SGCB: variants seen among roughly 807,000 people sequenced by gnomAD.
SGCB encodes sarcoglycan beta.
SGCB carries 25 observed loss-of-function variants against 27.3 expected under a neutral mutation model. That is an observed-to-expected ratio of 0.92 (90% confidence interval 0.67 to 1.28). The LOEUF is 1.28. SGCB is among the 50% of genes most tolerant of loss of function. The pLI, the probability that SGCB is intolerant of heterozygous loss-of-function variation, is 0.00. For synonymous variants in SGCB, 147 were observed against 133.5 expected (o/e 1.10, Z -0.70); for missense variants, 436 against 402.1 (o/e 1.08, Z -0.72).
intron 2 of SGCB, 57 bp from the exon 3 acceptor site, chr4:52,029,920 A>G: frequency 7.8e-7 from 1 of 1,281,118 alleles, no homozygotes; most frequent in Non-Finnish European, 1.1e-6. Context: ...TGTAATTGGA[A>G]AACAAATAGA....
At position 52,024,000 on chromosome 4, in the gene SGCB, A is replaced by G; in HGVS notation, c.914T>C (p.Met305Thr). The G allele has an allele frequency of 3.1e-6, 5 of 1,614,188 alleles. No individual in the cohort carries two copies. Among genetic ancestry groups the G allele is most frequent in the African/African-American group, 1.3e-5 (1 of 75,052 alleles). ...LFKVQVTSQN[M>T]GCQISDNPCG... ...GGGGTTGTCTGAGATTTGGCAGCCCATGTTCTGGCTGGTTACTTGCACCTT... is the reference window on the plus strand; with the variant it reads ...GGGGTTGTCTGAGATTTGGCAGCCCGTGTTCTGGCTGGTTACTTGCACCTT... Residue 305 changes from methionine (M) to threonine (T), a missense_variant, in exon 6 of 6, where the codon ATG (methionine) becomes ACG (threonine). Met to Thr is a moderately conservative substitution (Grantham distance 81, BLOSUM62 -1). Transcript: ENST00000381431.
rs1432539299 is a variant in SGCB at position 52,029,788 on chromosome 4, G to C, written c.319C>G (p.Leu107Val). 1.9e-6 allele frequency: 3 copies of C among 1,612,904 alleles called. No individual in the cohort carries two copies. In the East Asian group the frequency reaches 6.7e-5, roughly 36 times the overall value. The change falls in exon 3 of 6, where the codon CTG becomes GTG. Residue 107 changes from leucine (L) to valine (V), a missense_variant. By Grantham distance (32) the Leu-to-Val change is conservative. Transcript: ENST00000381431. The part of the protein sequence containing the change: ...CDSMEFHESG[L>V]LRFKQVSDMG... ...TCAGATACTTGCTTAAATCGAAGCA[G>C]GCCACTTTCATGAAACTCCATACTA...
At chr4:52,027,880 C>G (rs1295195054) in intron 5 of SGCB, 88 bp downstream of exon 5, 4 of 1,233,614 alleles carry the variant, frequency 3.2e-6, no homozygotes, top group Non-Finnish European at 3.5e-6. Context: ...ACAATTATAT[C>G]ATTTTCAATA....
chr4:52,035,900 C>CTA (rs1737379045), intron 1 of SGCB, among the ~76,000 whole-genome samples: 1 of 152,190 alleles, frequency 6.6e-6, no homozygotes, highest in African/African-American at 2.4e-5. Context: ...GAGACGTAGT[C>CTA]TTTACTCTTC....
At chr4:52,028,360 G>A (rs193266356) in intron 4 of SGCB, among the ~76,000 whole-genome samples, 1 of 152,224 alleles carries the variant, frequency 6.6e-6, no homozygotes, top group East Asian at 1.9e-4. Context: ...ACTCTCAGCC[G>A]GGAGCGGTGG....
At chr4:52,025,207 G>GA (rs1344243900) in intron 5 of SGCB, among the ~76,000 whole-genome samples, 1 of 152,148 alleles carries the variant, frequency 6.6e-6, no homozygotes, top group Non-Finnish European at 1.5e-5. Context: ...GGGGTAGGGG[G>GA]AGACAATAAA....
rs1430241730 is a variant in SGCB, at chr4:52,022,579, C to A, written c.*1378G>T. ...GAGCAGAGATAAATTATTATCCTTA[C>A]CTAAAAATTATGTGTATTATTTCCT... On this transcript the variant is annotated 3_prime_UTR_variant, in exon 6 of 6. Coordinates refer to ENST00000381431, the MANE Select transcript of SGCB (RefSeq NM_000232.5). The A allele has an allele frequency of 1.3e-5, 2 of 152,196 alleles. No individual in the cohort carries two copies. Among genetic ancestry groups the A allele is most frequent in the African/African-American group, 2.4e-5 (1 of 41,446 alleles). The allele number at this position is 152,196 out of a possible 1,614,324, so 9.4% of individuals were successfully genotyped here.
chr4:52,033,395 A>G (rs1223771410), intron 2 of SGCB, 36 bp downstream of exon 2: 2 of 1,382,704 alleles, frequency 1.4e-6, no homozygotes, highest in South Asian at 1.2e-5. Context: ...AAAATTCCCC[A>G]TGGCAATTAA....
Position 52,024,106 on chromosome 4 carries a change from T to G in SGCB, c.808A>C (p.Ser270Arg). The G allele has an allele frequency of 6.2e-7, 1 of 1,614,176 alleles. No individual in the cohort carries two copies. The highest frequency in any genetic ancestry group is 8.5e-7 in the Non-Finnish European group (1 of 1,180,012). Residue 270 changes from serine to arginine, a missense_variant, in exon 6 of 6, where the codon AGT becomes CGT. By Grantham distance (110) the Ser-to-Arg change is moderately radical. Transcript: ENST00000381431. The part of the protein sequence containing the change: ...SVMVSTTRLP[S>R]SSSGDQLGSG... Reference sequence around the variant, plus strand: ...CCCAACTGGTCTCCACTGGAGGAACTGGGTAGGCGGGTGGTGCTGACCATC... The same window carrying G: ...CCCAACTGGTCTCCACTGGAGGAACGGGGTAGGCGGGTGGTGCTGACCATC...
At position 52,029,858 on chromosome 4, in the gene SGCB, T is replaced by G. The variant is rs565862702; in HGVS notation, c.249A>C (p.Thr83=). 3 of 1,613,104 alleles carry G rather than the reference T, an allele frequency of 1.9e-6. No individual in the cohort carries two copies. Among genetic ancestry groups the G allele is most frequent in the Non-Finnish European group, 2.5e-6 (3 of 1,179,170 alleles). The change falls in exon 3 of 6, where the codon ACA becomes ACC. Residue 83 remains threonine (T), a synonymous_variant. Coordinates refer to ENST00000381431, the MANE Select transcript of SGCB (RefSeq NM_000232.5). ...TGCGAATCACGGCCCAAATAACAAG[T>G]GTTATCTGAAAAAGAACACAAGTCC... ...FILAVINLII[T]LVIWAVIRIG...
chr4:52,032,030 A>G, intron 2 of SGCB: 2 of 450,964 alleles, frequency 4.4e-6, no homozygotes, highest in Non-Finnish European at 8.9e-6. Flanking sequence ...TTCCTGTTTC[A>G]GTATGGAAAC....
intron 5 of SGCB, among the ~76,000 whole-genome samples, chr4:52,024,582 A>T (rs1388197406): frequency 2.0e-5 from 3 of 152,064 alleles, no homozygotes; most frequent in African/African-American, 7.2e-5. Context: ...TAATCCCAGC[A>T]CTTTGGGAGG....
At chr4:52,026,119 G>C (rs1001016213) in intron 5 of SGCB, among the ~76,000 whole-genome samples, 2 of 152,092 alleles carry the variant, frequency 1.3e-5, no homozygotes, top group Non-Finnish European at 2.9e-5. Flanking sequence ...AATGGAGATG[G>C]TTAACTGATT....
intron 1 of SGCB, among the ~76,000 whole-genome samples, chr4:52,036,141 G>A (rs1475711154): frequency 6.6e-6 from 1 of 152,204 alleles, no homozygotes; most frequent in Non-Finnish European, 1.5e-5. Context: ...GAAGAGGAAT[G>A]CATCTCCACC....
chr4:52,027,809 G>A (rs1456571912), intron 5 of SGCB, among the ~76,000 whole-genome samples, 159 bp downstream of exon 5: 1 of 152,138 alleles, frequency 6.6e-6, no homozygotes, highest in East Asian at 1.9e-4. Flanking sequence ...TTCACAAATT[G>A]TTTTGTAACT....
At chr4:52,031,795 G>A (rs541631638) in intron 2 of SGCB, 2 of 402,770 alleles carry the variant, frequency 5.0e-6, no homozygotes, top group Non-Finnish European at 9.9e-6. Context: ...TGAATTCATA[G>A]AAAATTATTT....
rs182784793 is a variant in SGCB at position 52,024,116 on chromosome 4, G to T, written c.798C>A (p.Thr266=). ...ILNGSVMVST[T]RLPSSSSGDQ... ...CTCCACTGGAGGAACTGGGTAGGCG[G>T]GTGGTGCTGACCATCACAGATCCAT... The change falls in exon 6 of 6, where the codon ACC becomes ACA. Residue 266 remains threonine (T), a synonymous_variant. Coordinates refer to ENST00000381431, the MANE Select transcript of SGCB (RefSeq NM_000232.5). The T allele has an allele frequency of 3.7e-6, 6 of 1,614,096 alleles. No homozygotes were observed. In the East Asian group the frequency reaches 1.3e-4, roughly 36 times the overall value.
rs548090354 is a variant in SGCB at position 52,036,308 on chromosome 4, GAACT to G, written c.33+1915_33+1918del. Among the ~76,000 whole-genome samples, 266 of 152,302 alleles carry G rather than the reference GAACT, an allele frequency of 1.7e-3. 1 individual carries two copies. The highest frequency in any genetic ancestry group is 2.5e-3 in the Non-Finnish European group (169 of 68,020). ...CTTTGAGAGGCAACCATCTCTGGGA[GAACT>G]AATTTTGGTCACTTTATGTGGATGG... On this transcript the variant is annotated intron_variant, in intron 1 of 5. Transcript: ENST00000381431.
At chr4:52,025,836 T>C (rs1399127175) in intron 5 of SGCB, among the ~76,000 whole-genome samples, 1 of 152,192 alleles carries the variant, frequency 6.6e-6, no homozygotes, top group Non-Finnish European at 1.5e-5. Flanking sequence ...CTGTATCTTC[T>C]GAAGGTAGAG....
Sources: allele counts gnomAD v4.1 joint callset (sites outside exome capture counted in the v4.1 genomes callset), GRCh38; gene constraint gnomAD v4.1.1; transcripts MANE v1.5; gene names NCBI Gene and HGNC (gene_info 2026-07-23, HGNC 2026-07-21).